Variants in TTC38 observed in about 807,000 individuals in gnomAD.
The protein encoded by TTC38 is tetratricopeptide repeat protein 38.
Under a neutral mutation model 64.2 loss-of-function variants are expected in TTC38, and 64 were observed. The observed-to-expected ratio is 1.00, with a 90% CI of 0.81 to 1.23. TTC38 has a LOEUF of 1.23. Ranked by LOEUF, TTC38 falls within the 50% of genes most tolerant of loss-of-function variation. The probability of loss-of-function intolerance (pLI) is 0.00; values close to 1 mark genes in which losing one functional copy is unlikely to be tolerated. For missense variants in TTC38, 573 were observed against 615.5 expected (o/e 0.93, Z 0.73); for synonymous variants, 254 against 249.3 (o/e 1.02, Z -0.18).
Position 46,281,413 on chromosome 22 carries a change from C to G in TTC38, c.616-186C>G, listed in dbSNP as rs2077533418. Among the ~76,000 whole-genome samples the G allele has an allele frequency of 6.6e-6, 1 of 152,174 alleles. No homozygotes were observed. Among genetic ancestry groups the G allele is most frequent in the East Asian group, 1.9e-4 (1 of 5,194 alleles). On this transcript the variant is annotated intron_variant, in intron 6 of 13. Coordinates refer to ENST00000381031, the MANE Select transcript of TTC38 (RefSeq NM_017931.4). The surrounding 1 kb of genome is among the most constrained non-coding windows in gnomAD (Gnocchi z 5.2). ...TGAACTGGGCAGTGAGACCCATGAG[C>G]TGGTGTGCCCGGGCAGGCAGGAAGT...
rs917969458 is a variant in TTC38, at chr22:46,276,981, A to G, written c.539+1560A>G. Among the ~76,000 whole-genome samples the G allele has an allele frequency of 2.1e-4, 31 of 150,996 alleles. No individual in the cohort carries two copies. The highest frequency in any genetic ancestry group is 7.3e-4 in the African/African-American group (30 of 41,080). On this transcript the variant is annotated intron_variant, in intron 5 of 13. Coordinates refer to ENST00000381031, the MANE Select transcript of TTC38 (RefSeq NM_017931.4). The surrounding 1 kb of genome is among the most constrained non-coding windows in gnomAD (Gnocchi z 4.7). The stretch of plus-strand genomic sequence containing the variant: ...CCTAATAGTACCTGACACACAGCAA[A>G]CATACAATAAATAGCTTAAGTGTTG...
At chr22:46,279,645 C>G (rs1031765349) in intron 6 of TTC38, among the ~76,000 whole-genome samples, 8 of 152,240 alleles carry the variant, frequency 5.3e-5, no homozygotes, top group Admixed American at 1.3e-4. Flanking sequence ...CCAAGGGTCG[C>G]TGCGCTCTCT....
intron 5 of TTC38, among the ~76,000 whole-genome samples, chr22:46,277,011 T>G (rs2077495122): frequency 6.8e-6 from 1 of 146,338 alleles, no homozygotes; most frequent in African/African-American, 2.6e-5. Flanking sequence ...GTGTTGAGGA[T>G]TAAATGACCC....
Position 46,287,064 on chromosome 22 carries a change from G to A in TTC38, c.835-9G>A. 6.3e-7 allele frequency: 1 copy of A among 1,593,874 alleles called. No homozygotes were observed. The highest frequency in any genetic ancestry group is 8.5e-7 in the Non-Finnish European group (1 of 1,171,780). On this transcript the variant is annotated splice_polypyrimidine_tract_variant and intron_variant, in intron 9 of 13. Coordinates refer to ENST00000381031, the MANE Select transcript of TTC38 (RefSeq NM_017931.4). ...CCGCTGAGCCCGCCTTGGCCGCCCT[G>A]TCTTCCAGATCCTTCCCAGCCTGCA... is the stretch of plus-strand genomic sequence containing the variant.
chr22:46,277,478 G>T (rs2147790444), intron 5 of TTC38, among the ~76,000 whole-genome samples: 1 of 152,240 alleles, frequency 6.6e-6, no homozygotes, highest in South Asian at 2.1e-4. Context: ...GGTGGCATGT[G>T]CCTGTAATCC....
chr22:46,283,895 T>C (rs1191767520), intron 7 of TTC38, 78 bp from the exon 8 acceptor site: 1 of 783,006 alleles, frequency 1.3e-6, no homozygotes, highest in African/African-American at 1.8e-5. Flanking sequence ...GGTTTCTGCA[T>C]TAGCACAAAA....
Position 46,292,689 on chromosome 22 carries a change from G to T in TTC38, c.1317-102G>T, listed in dbSNP as rs922624009. On this transcript the variant is annotated intron_variant, in intron 13 of 13. Transcript: ENST00000381031. This position sits in a 1 kb window ranked among gnomAD's most constrained non-coding sequence, Gnocchi z 6.5. ...TGGCCCTTGCTGTTCCCTCAGTGCC[G>T]CAGTCTAGCCTGCCTGTGTTCTGCC... 1 of 1,053,060 alleles carries T rather than the reference G, an allele frequency of 9.5e-7. No individual in the cohort carries two copies. The highest frequency in any genetic ancestry group is 1.5e-6 in the Non-Finnish European group (1 of 689,366). The allele number at this position is 1,053,060 out of a possible 1,614,324, so 65.2% of individuals were successfully genotyped here.
At position 46,285,288 on chromosome 22, in the gene TTC38, C is replaced by T; in HGVS notation, c.834+9C>T. The stretch of plus-strand genomic sequence containing the variant: ...CCATCTACGATACCCACGTAAGTTG[C>T]ATTCACACCGTGTTTGGTTTGTTGC... On this transcript the variant is annotated intron_variant, in intron 9 of 13. Coordinates refer to ENST00000381031, the MANE Select transcript of TTC38 (RefSeq NM_017931.4). 1 of 1,613,994 alleles carries T rather than the reference C, an allele frequency of 6.2e-7. No individual in the cohort carries two copies. Among genetic ancestry groups the T allele is most frequent in the Admixed American group, 1.7e-5 (1 of 60,028 alleles).
intron 5 of TTC38, among the ~76,000 whole-genome samples, chr22:46,277,645 C>T (rs913448574): frequency 1.2e-4 from 17 of 147,496 alleles, no homozygotes; most frequent in African/African-American, 3.5e-4. Flanking sequence ...AGATTGGAAG[C>T]GTGCAATTAT....
At chr22:46,269,060 G>T (rs1936831609) in intron 2 of TTC38, 1 of 394,036 alleles carries the variant, frequency 2.5e-6, no homozygotes, top group African/African-American at 2.4e-5. Flanking sequence ...TTGTACTGGA[G>T]GACGTGGGAG....
intron 6 of TTC38, among the ~76,000 whole-genome samples, chr22:46,280,621 T>C (rs1277659423): frequency 6.6e-6 from 1 of 152,226 alleles, no homozygotes; most frequent in Non-Finnish European, 1.5e-5. Context: ...CAGACACACT[T>C]TCTTTCCCTC....
In TTC38 at chr22:46,275,508, C is replaced by A; in HGVS notation, c.539+87C>A. 2 of 1,354,366 alleles carry A rather than the reference C, an allele frequency of 1.5e-6. No individual in the cohort carries two copies. Among genetic ancestry groups the A allele is most frequent in the South Asian group, 1.4e-5 (1 of 71,338 alleles). 83.9% of individuals were successfully genotyped at this position (1,354,366 alleles called of 1,614,324 possible). On this transcript the variant is annotated intron_variant, in intron 5 of 13. Coordinates refer to ENST00000381031, the MANE Select transcript of TTC38 (RefSeq NM_017931.4). This position sits in a 1 kb window ranked among gnomAD's most constrained non-coding sequence, Gnocchi z 4.5. The stretch of plus-strand genomic sequence containing the variant: ...ATATGGTGACTCTCTTGGCCCTGTC[C>A]TAAAAATAATGGGACCACTGTTGCT...
Position 46,287,129 on chromosome 22 carries a change from C to T in TTC38, c.891C>T (p.Ser297=), listed in dbSNP as rs2077577410. 1.2e-6 allele frequency: 2 copies of T among 1,605,148 alleles called. No homozygotes were observed. Among genetic ancestry groups the T allele is most frequent in the Non-Finnish European group, 8.5e-7 (1 of 1,175,870 alleles). Residue 297 remains serine (S), a synonymous_variant, in exon 10 of 14, where the codon TCC becomes TCT. Transcript: ENST00000381031. ...TGCTGGACGTGGTGGACAGCTGCTC[C>T]ATGCTCTACCGCCTGCAGATGGAAG... ...DAMLDVVDSC[S]MLYRLQMEGV...
chr22:46,280,172 T>A, intron 6 of TTC38: 1 of 471,238 alleles, frequency 2.1e-6, no homozygotes, highest in Non-Finnish European at 4.4e-6. Flanking sequence ...GCTCTGTGTC[T>A]GCAGCCCCAG....
intron 5 of TTC38, among the ~76,000 whole-genome samples, chr22:46,277,077 A>G (rs2077497337): frequency 1.3e-5 from 2 of 151,318 alleles, no homozygotes; most frequent in African/African-American, 4.9e-5. Flanking sequence ...ACACACACAC[A>G]CACACACATA....
At chr22:46,269,116 C>G in intron 2 of TTC38, 1 of 437,942 alleles carries the variant, frequency 2.3e-6, no homozygotes, top group Non-Finnish European at 4.7e-6. Flanking sequence ...CCTAAAAGGG[C>G]CTCTGCACTC....
rs2077595429 is a variant in TTC38, at chr22:46,289,401, G to A, written c.1083-1G>A. On this transcript the variant is annotated splice_acceptor_variant, in intron 11 of 13. Transcript: ENST00000381031. LOFTEE classifies it high-confidence loss of function. ...CTGAGGGCACCGTCTTGGGTTCGCA[G>A]ATCCCCAGGGGAGAACTGCCAGCAC... 1 of 1,607,770 alleles carries A rather than the reference G, an allele frequency of 6.2e-7. No individual in the cohort carries two copies. Among genetic ancestry groups the A allele is most frequent in the Non-Finnish European group, 8.5e-7 (1 of 1,179,242 alleles).
chr22:46,284,387 G>A (rs1393944100), intron 8 of TTC38, among the ~76,000 whole-genome samples: 2 of 152,188 alleles, frequency 1.3e-5, no homozygotes, highest in East Asian at 3.8e-4. Flanking sequence ...CAGTGATTCC[G>A]CCACAGGGTT....
chr22:46,276,731 A>G lies in TTC38; in HGVS notation c.539+1310A>G, dbSNP rs1006356647. ...TATATATATTAAAAATATATATATT[A>G]AAAAAATATATATAAAATACATATA... On this transcript the variant is annotated intron_variant, in intron 5 of 13. Coordinates refer to ENST00000381031, the MANE Select transcript of TTC38 (RefSeq NM_017931.4). This position sits in a 1 kb window ranked among gnomAD's most constrained non-coding sequence, Gnocchi z 4.7. Among the ~76,000 whole-genome samples the G allele has an allele frequency of 7.4e-6, 1 of 135,964 alleles. No homozygotes were observed. Among genetic ancestry groups the G allele is most frequent in the East Asian group, 1.9e-4 (1 of 5,132 alleles). 89.2% of individuals were successfully genotyped at this position (135,964 alleles called of 152,430 possible). A position where few individuals can be genotyped will look rare whatever the true frequency, so the allele number is the denominator to read the frequency against.
Sources: allele counts gnomAD v4.1 joint callset (sites outside exome capture counted in the v4.1 genomes callset), GRCh38; gene constraint gnomAD v4.1.1; non-coding constraint Gnocchi (gnomAD v3.1); transcripts MANE v1.5; gene names NCBI Gene and HGNC (gene_info 2026-07-23, HGNC 2026-07-21).